The following RBM25 variants were observed in gnomAD, a reference collection of about 807,000 sequenced individuals.
RBM25 encodes the protein RNA-binding protein 25.
In RBM25, 19 loss-of-function variants were observed where a neutral mutation model predicts 120.7. The ratio of observed to expected loss-of-function variants is 0.16; its 90% CI spans 0.11 to 0.23. The LOEUF (loss-of-function observed/expected upper bound fraction) is 0.23. Among genes scored for constraint, RBM25 ranks in the 10% least tolerant of loss-of-function variants. The probability of loss-of-function intolerance (pLI) is 1.00; values close to 1 mark genes in which losing one functional copy is unlikely to be tolerated. For missense variants in RBM25, 605 were observed against 1,041.5 expected, an observed-to-expected ratio of 0.58 and a Z score of 5.77; for synonymous variants, 390 against 326.7, an observed-to-expected ratio of 1.19 and a Z score of -2.09.
chr14:73,122,970 A>C lies in RBM25; in HGVS notation c.*3165A>C, dbSNP rs185625466. On this transcript the variant is annotated 3_prime_UTR_variant, in exon 19 of 19. Coordinates refer to ENST00000261973, the MANE Select transcript of RBM25 (RefSeq NM_021239.3). ...AAAGAGAAAAACATTTTTTGAGGCA[A>C]ATACACGTAACTCATGAACGTAATG... is the stretch of plus-strand genomic sequence containing the variant. The C allele has an allele frequency of 6.6e-6, 1 of 152,332 alleles. No individual in the cohort carries two copies. Among genetic ancestry groups the C allele is most frequent in the Admixed American group, 6.5e-5 (1 of 15,294 alleles). 9.4% of individuals were successfully genotyped at this position (152,332 alleles called of 1,614,324 possible).
At chr14:73,078,336 TAAA>T (rs201495739) in intron 4 of RBM25, among the ~76,000 whole-genome samples, 1 of 148,816 alleles carries the variant, frequency 6.7e-6, no homozygotes. Context: ...AAAATAAAAA[TAAA>T]AAAAAAGCCA....
intron 4 of RBM25, 133 bp from the exon 5 acceptor site, chr14:73,083,361 T>C (rs1895608091): frequency 7.9e-6 from 5 of 629,340 alleles, no homozygotes; most frequent in South Asian, 2.4e-5. Context: ...ATTGCAAAAA[T>C]TTTCGCAAAT....
At chr14:73,097,990 G>A (rs1805280725) in intron 7 of RBM25, among the ~76,000 whole-genome samples, 1 of 152,222 alleles carries the variant, frequency 6.6e-6, no homozygotes, top group Non-Finnish European at 1.5e-5. Context: ...GAAGCCAGAA[G>A]TGGTGGCTGA....
At chr14:73,116,994 A>G (rs1409668139) in intron 18 of RBM25, among the ~76,000 whole-genome samples, 1 of 151,916 alleles carries the variant, frequency 6.6e-6, no homozygotes, top group East Asian at 1.9e-4. Context: ...TTTATATTAT[A>G]CCTTTTTCAT....
intron 17 of RBM25, among the ~76,000 whole-genome samples, chr14:73,113,013 A>G (rs1159728731): frequency 6.6e-6 from 1 of 151,888 alleles, no homozygotes; most frequent in African/African-American, 2.4e-5. Flanking sequence ...TTTAAATTCT[A>G]GGATACATAT....
chr14:73,085,263 C>T (rs192311585), intron 5 of RBM25, among the ~76,000 whole-genome samples: 96 of 152,032 alleles, frequency 6.3e-4, no homozygotes, highest in East Asian at 3.7e-3. Flanking sequence ...GTGATCTGCC[C>T]GCCTTGGCCT....
intron 9 of RBM25, chr14:73,100,501 AATGACAGTGCATCTGTGAATGTTCGCTG>A (rs1200171123): frequency 1.2e-5 from 6 of 484,254 alleles, no homozygotes; most frequent in Non-Finnish European, 2.2e-5. Flanking sequence ...AGCTTCTCTC[AATGACAGTGCATCTGTGAATGTTCGCTG>A]GTGTTGAAAA....
intron 4 of RBM25, among the ~76,000 whole-genome samples, chr14:73,081,433 C>G (rs929176513): frequency 2.6e-5 from 4 of 152,180 alleles, no homozygotes; most frequent in Non-Finnish European, 5.9e-5. Flanking sequence ...TTTTCTAGAG[C>G]TCCTCCTGTC....
At chr14:73,106,583 A>G (rs1474980000) in intron 12 of RBM25, among the ~76,000 whole-genome samples, 2 of 152,124 alleles carry the variant, frequency 1.3e-5, no homozygotes, top group African/African-American at 4.8e-5. Flanking sequence ...GCATATTTTT[A>G]AAATTGTTGA....
chr14:73,119,979 T>A lies in RBM25; in HGVS notation c.*174T>A. 1.1e-6 allele frequency: 1 copy of A among 916,350 alleles called. No individual in the cohort carries two copies. Among genetic ancestry groups the A allele is most frequent in the Non-Finnish European group, 1.5e-6 (1 of 660,474 alleles). The allele number at this position is 916,350 out of a possible 1,614,324, so 56.8% of individuals were successfully genotyped here. A position where few individuals can be genotyped will look rare whatever the true frequency, so the allele number is the denominator to read the frequency against. ...GTTGCCCTGTGTACTCCCTTGGTTGTAAAGTCATCTGAATCCTTGGTTCTC... is the reference window on the plus strand; with the variant it reads ...GTTGCCCTGTGTACTCCCTTGGTTGAAAAGTCATCTGAATCCTTGGTTCTC... On this transcript the variant is annotated 3_prime_UTR_variant, in exon 19 of 19. Transcript: ENST00000261973.
chr14:73,083,587 TTAAC>T (rs778898948), intron 5 of RBM25, 36 bp downstream of exon 5: 30 of 1,462,670 alleles, frequency 2.1e-5, no homozygotes, highest in East Asian at 7.3e-5. Context: ...TGAAATCACT[TTAAC>T]TAACCTGTGT....
At chr14:73,060,148 C>A (rs1052373328) in intron 1 of RBM25, among the ~76,000 whole-genome samples, 2 of 151,950 alleles carry the variant, frequency 1.3e-5, no homozygotes, top group African/African-American at 4.8e-5. Context: ...AAGCGATTCG[C>A]CTGCCTCAGC....
At chr14:73,066,361 C>T (rs912671770) in intron 1 of RBM25, among the ~76,000 whole-genome samples, 23 of 152,186 alleles carry the variant, frequency 1.5e-4, no homozygotes, top group Non-Finnish European at 2.5e-4. Flanking sequence ...AAGGGCTGGG[C>T]GCAGTGGCTT....
chr14:73,105,126 C>CTTTTTTTTTTTTTTTTTTT lies in RBM25; in HGVS notation c.1155-715_1155-714insTTTTTTTTTTTTTTTTTTT, dbSNP rs34862161. 2.7e-5 allele frequency among the ~76,000 whole-genome samples: 3 copies of CTTTTTTTTTTTTTTTTTTT among 109,562 alleles called. 1 individual carries two copies. Among genetic ancestry groups the CTTTTTTTTTTTTTTTTTTT allele is most frequent in the African/African-American group, 1.1e-4 (3 of 26,648 alleles). 71.9% of individuals were successfully genotyped at this position (109,562 alleles called of 152,430 possible). A position where few individuals can be genotyped will look rare whatever the true frequency, so the allele number is the denominator to read the frequency against. ...TGTAATCTGCAGTTTGGTTTTATTA[C>CTTTTTTTTTTTTTTTTTTT]TTTTTTTTTTTTTTTTTTGGAGACG... On this transcript the variant is annotated intron_variant, in intron 10 of 18. Transcript: ENST00000261973.
intron 6 of RBM25, among the ~76,000 whole-genome samples, chr14:73,094,274 T>TA (rs1386434174): frequency 6.6e-6 from 1 of 151,586 alleles, no homozygotes; most frequent in Admixed American, 6.6e-5. Flanking sequence ...TTGTTGTTGT[T>TA]ATTGTTTTTT....
At chr14:73,114,382 T>G in intron 18 of RBM25, 49 bp downstream of exon 18, 1 of 1,377,316 alleles carries the variant, frequency 7.3e-7, no homozygotes, top group Non-Finnish European at 9.9e-7. Context: ...AAAAAAAGTT[T>G]TTGGTTTTTT....
intron 1 of RBM25, among the ~76,000 whole-genome samples, chr14:73,067,461 A>G (rs1256186299): frequency 6.6e-6 from 1 of 152,088 alleles, no homozygotes; most frequent in Non-Finnish European, 1.5e-5. Flanking sequence ...GCTGGAGTGC[A>G]GTGGCTTGAT....
chr14:73,094,807 C>T (rs988801848), intron 6 of RBM25, among the ~76,000 whole-genome samples: 2 of 126,494 alleles, frequency 1.6e-5, no homozygotes, highest in South Asian at 2.9e-4. Flanking sequence ...ATTACAGGAG[C>T]GAGGTGTGTG....
chr14:73,107,687 T>C (rs1464750492), intron 12 of RBM25, 139 bp from the exon 13 acceptor site: 11 of 667,868 alleles, frequency 1.6e-5, no homozygotes, highest in South Asian at 3.5e-5. Context: ...CTTAAAATTA[T>C]GTGAAGAGAA....
Sources: gnomAD v4.1 joint callset for allele counts (sites outside exome capture counted in the v4.1 genomes callset) on GRCh38, gnomAD v4.1.1 for gene constraint, MANE v1.5 for transcripts, NCBI Gene and HGNC (gene_info 2026-07-23, HGNC 2026-07-21) for gene names.